The following DLC1 variants were observed in gnomAD, a reference collection of about 807,000 sequenced individuals.
DLC1 encodes the protein DLC1 Rho GTPase activating protein.
Under a neutral mutation model 140.3 loss-of-function variants are expected in DLC1, and 54 were observed. The ratio of observed to expected loss-of-function variants is 0.38; its 90% CI spans 0.31 to 0.48. The LOEUF (loss-of-function observed/expected upper bound fraction) is 0.48. Ranked by LOEUF, DLC1 falls within the 20% of genes least tolerant of loss-of-function variation. DLC1 has a pLI of 0.96. For synonymous variants in DLC1, 986 were observed against 728.1 expected (o/e 1.35, Z -5.70); for missense variants, 2,536 against 1,907.0 (o/e 1.33, Z -6.14).
intron 5 of DLC1, among the ~76,000 whole-genome samples, chr8:13,290,092 T>C (rs903683539): frequency 2.0e-5 from 3 of 152,202 alleles, no homozygotes; most frequent in Non-Finnish European, 2.9e-5. Flanking sequence ...CAATAATACA[T>C]ATTCAAAAAT....
At chr8:13,386,745 A>G (rs1195773073) in intron 4 of DLC1, among the ~76,000 whole-genome samples, 2 of 152,106 alleles carry the variant, frequency 1.3e-5, no homozygotes, top group Non-Finnish European at 2.9e-5. Flanking sequence ...TAAATCACAG[A>G]ATTCTAGGAA....
At chr8:13,193,988 G>C (rs1158766113) in intron 5 of DLC1, among the ~76,000 whole-genome samples, 1 of 152,074 alleles carries the variant, frequency 6.6e-6, no homozygotes, top group African/African-American at 2.4e-5. Context: ...TTTAAATTCA[G>C]GCTTATATGT....
intron 1 of DLC1, among the ~76,000 whole-genome samples, 151 bp from the exon 2 acceptor site, chr8:13,500,347 G>C (rs1315488392): frequency 6.6e-6 from 1 of 152,066 alleles, no homozygotes; most frequent in African/African-American, 2.4e-5. Context: ...ATTTCTTTAA[G>C]AAGCCTAATA....
At chr8:13,576,149 A>T (rs1259868903) in intron 1 of DLC1, among the ~76,000 whole-genome samples, 1 of 152,170 alleles carries the variant, frequency 6.6e-6, no homozygotes, top group Non-Finnish European at 1.5e-5. Context: ...GAAAAGCAGC[A>T]CCTCCTCAGT....
chr8:13,453,228 G>C lies in DLC1; in HGVS notation c.1023+45821C>G, dbSNP rs559094129. 2.3e-3 allele frequency among the ~76,000 whole-genome samples: 347 copies of C among 148,020 alleles called. 2 individuals are homozygous for C. Among genetic ancestry groups the C allele is most frequent in the African/African-American group, 8.1e-3 (329 of 40,594 alleles). ...AAATTAAAGAAGAATGTAATGTAAT[G>C]ATATATAAGCAAGCATTAAGAAGAC... On this transcript the variant is annotated intron_variant, in intron 2 of 17. Coordinates refer to ENST00000276297, the MANE Select transcript of DLC1 (RefSeq NM_182643.3).
At chr8:13,135,320 A>G (rs1353943245) in intron 5 of DLC1, among the ~76,000 whole-genome samples, 1 of 150,740 alleles carries the variant, frequency 6.6e-6, no homozygotes, top group East Asian at 2.0e-4. Flanking sequence ...AGCTGGGACT[A>G]CAGGTGCCCG....
intron 5 of DLC1, among the ~76,000 whole-genome samples, chr8:13,281,361 G>A (rs1039150794): frequency 3.3e-5 from 5 of 152,114 alleles, no homozygotes; most frequent in African/African-American, 1.2e-4. Context: ...ATTGATGTTT[G>A]ATAGACCAAA....
intron 4 of DLC1, among the ~76,000 whole-genome samples, chr8:13,318,283 C>G (rs1015932043): frequency 2.6e-5 from 4 of 151,830 alleles, no homozygotes; most frequent in African/African-American, 7.3e-5. Context: ...ATCCTCTTGC[C>G]TTGGCTTCCC....
chr8:13,272,218 T>C (rs1295699831), intron 5 of DLC1, among the ~76,000 whole-genome samples: 2 of 151,308 alleles, frequency 1.3e-5, no homozygotes, highest in African/African-American at 4.9e-5. Flanking sequence ...GAGGCCAAAG[T>C]GGGTGGATCA....
chr8:13,394,714 C>T (rs760189614), intron 3 of DLC1, among the ~76,000 whole-genome samples: 1 of 152,178 alleles, frequency 6.6e-6, no homozygotes, highest in Non-Finnish European at 1.5e-5. Context: ...CCCCAACTCT[C>T]CAGTCTTAGC....
In DLC1 at chr8:13,084,935, A is replaced by G. The variant is rs996237061; in HGVS notation, c.*876T>C. 6.6e-6 allele frequency: 1 copy of G among 152,238 alleles called. No individual in the cohort carries two copies. Among genetic ancestry groups the G allele is most frequent in the Non-Finnish European group, 1.5e-5 (1 of 68,070 alleles). The allele number at this position is 152,238 out of a possible 1,614,324, so 9.4% of individuals were successfully genotyped here. A position where few individuals can be genotyped will look rare whatever the true frequency, so the allele number is the denominator to read the frequency against. On this transcript the variant is annotated 3_prime_UTR_variant, in exon 18 of 18. Coordinates refer to ENST00000276297, the MANE Select transcript of DLC1 (RefSeq NM_182643.3). Reference sequence around the variant, plus strand: ...AAGTGTTATCGTGTTCAGTTTTTATATCTCGACTTAAACAAAAAACAAAAC... The same window carrying G: ...AAGTGTTATCGTGTTCAGTTTTTATGTCTCGACTTAAACAAAAAACAAAAC...
chr8:13,492,225 G>A (rs767183563), intron 2 of DLC1, among the ~76,000 whole-genome samples: 3 of 151,900 alleles, frequency 2.0e-5, no homozygotes, highest in Non-Finnish European at 2.9e-5. Flanking sequence ...CAGCCCATAA[G>A]GCTGGCTCTG....
chr8:13,476,526 C>A (rs952098359), intron 2 of DLC1, among the ~76,000 whole-genome samples: 1 of 150,772 alleles, frequency 6.6e-6, no homozygotes, highest in East Asian at 2.0e-4. Flanking sequence ...TCACCTAACT[C>A]GGACATTCCA....
chr8:13,506,612 C>A, intron 1 of DLC1, among the ~76,000 whole-genome samples: 1 of 128,616 alleles, frequency 7.8e-6, no homozygotes, highest in East Asian at 2.6e-4. Flanking sequence ...TATATATACA[C>A]ATATATATAC....
intron 4 of DLC1, among the ~76,000 whole-genome samples, chr8:13,316,943 T>C (rs1390013835): frequency 6.6e-6 from 1 of 152,214 alleles, no homozygotes; most frequent in Non-Finnish European, 1.5e-5. Context: ...TATTCCTTTT[T>C]TTTTCTTCTA....
At chr8:13,395,848 TC>T in intron 3 of DLC1, among the ~76,000 whole-genome samples, 1 of 147,432 alleles carries the variant, frequency 6.8e-6, no homozygotes, top group African/African-American at 2.4e-5. Context: ...TTCTTCTTCT[TC>T]TTCTTTGTTT....
In DLC1 at chr8:13,311,180, A is replaced by G. The variant is rs1305658269; in HGVS notation, c.1315-5878T>C. On this transcript the variant is annotated intron_variant, in intron 4 of 17. Coordinates refer to ENST00000276297, the MANE Select transcript of DLC1 (RefSeq NM_182643.3). ...ATACTCATTTAGCTCTTTCTCTGTC[A>G]TTTTGCCTATGAGGACGTTGAGACC... is the stretch of plus-strand genomic sequence containing the variant. Among the ~76,000 whole-genome samples the G allele has an allele frequency of 2.6e-5, 4 of 152,076 alleles. 1 individual carries two copies. Among genetic ancestry groups the G allele is most frequent in the Non-Finnish European group, 5.9e-5 (4 of 68,024 alleles).
rs111921597 is a variant in DLC1 at position 13,327,255 on chromosome 8, G to A, written c.1315-21953C>T. On this transcript the variant is annotated intron_variant, in intron 4 of 17. Transcript: ENST00000276297. ...CCCAAAGTGCTGGGATTACAGGCGT[G>A]AGCCACTGCGCCCGGCCCCACTTGC... Among the ~76,000 whole-genome samples, 279 of 151,216 alleles carry A rather than the reference G, an allele frequency of 1.8e-3. 1 individual carries two copies. Among genetic ancestry groups the A allele is most frequent in the African/African-American group, 6.6e-3 (274 of 41,260 alleles).
intron 5 of DLC1, among the ~76,000 whole-genome samples, chr8:13,209,445 C>T (rs143216737): frequency 2.0e-5 from 3 of 152,256 alleles, no homozygotes; most frequent in East Asian, 3.9e-4. Flanking sequence ...GACTTCTGCT[C>T]ATCAGTCTGT....
Sources: allele counts gnomAD v4.1 joint callset (sites outside exome capture counted in the v4.1 genomes callset), GRCh38; gene constraint gnomAD v4.1.1; transcripts MANE v1.5; gene names NCBI Gene and HGNC (gene_info 2026-07-23, HGNC 2026-07-21).